Variants in AGMO observed in about 807,000 individuals in gnomAD.
The protein encoded by AGMO is alkylglycerol monooxygenase, also known as glyceryl-ether monooxygenase.
AGMO carries 75 observed loss-of-function variants against 60.2 expected under a neutral mutation model. The observed-to-expected ratio is 1.25, with a 90% CI of 1.03 to 1.51. The LOEUF is 1.51. Ranked by LOEUF, AGMO falls within the 40% of genes most tolerant of loss-of-function variation. AGMO has a pLI of 0.00. For missense variants in AGMO, 763 were observed against 525.5 expected (o/e 1.45, Z -4.42); for synonymous variants, 261 against 177.1 (o/e 1.47, Z -3.76).
intron 4 of AGMO, among the ~76,000 whole-genome samples, chr7:15,419,382 G>A (rs1780866515): frequency 6.6e-6 from 1 of 151,828 alleles, no homozygotes; most frequent in African/African-American, 2.4e-5. Flanking sequence ...GTTTCATGCT[G>A]GAAAGAAACA....
At chr7:15,142,001 AC>A in the AGMO span, among the ~76,000 whole-genome samples, 1 of 152,096 alleles carries the variant, frequency 6.6e-6, no homozygotes, top group Non-Finnish European at 1.5e-5. Context: ...TGTAGGCTTA[AC>A]CTTTTGCTAA....
chr7:15,119,408 T>C, the AGMO span, among the ~76,000 whole-genome samples: 2 of 152,100 alleles, frequency 1.3e-5, no homozygotes, highest in Non-Finnish European at 2.9e-5. Flanking sequence ...TTAATACTTA[T>C]AATTTCTACA....
At chr7:15,349,861 A>G (rs995259344) in intron 12 of AGMO, among the ~76,000 whole-genome samples, 4 of 152,104 alleles carry the variant, frequency 2.6e-5, no homozygotes, top group African/African-American at 7.2e-5. Context: ...AGATGGGAGT[A>G]ACCTCCCCCA....
At chr7:15,450,294 C>T (rs546432425) in intron 3 of AGMO, among the ~76,000 whole-genome samples, 1 of 151,770 alleles carries the variant, frequency 6.6e-6, no homozygotes, top group East Asian at 2.0e-4. Context: ...GTGGCGGGCG[C>T]ATGTAGTCCC....
chr7:15,321,428 G>A (rs551492940), intron 12 of AGMO, among the ~76,000 whole-genome samples: 56 of 152,226 alleles, frequency 3.7e-4, no homozygotes, highest in African/African-American at 1.1e-3. Context: ...TGTTGGTGGC[G>A]AAAGTTTGTA....
chr7:15,336,971 T>A (rs913461900), intron 12 of AGMO, among the ~76,000 whole-genome samples: 1 of 152,218 alleles, frequency 6.6e-6, no homozygotes, highest in Non-Finnish European at 1.5e-5. Context: ...TGTGTGAGAT[T>A]GTCAAACATT....
intron 12 of AGMO, among the ~76,000 whole-genome samples, chr7:15,243,611 A>G (rs2128503775): frequency 6.6e-6 from 1 of 152,310 alleles, no homozygotes; most frequent in Admixed American, 6.5e-5. Context: ...CAAAACACAT[A>G]CCAATTAAGA....
intron 12 of AGMO, among the ~76,000 whole-genome samples, chr7:15,205,015 A>C (rs1781404932): frequency 6.6e-6 from 1 of 152,094 alleles, no homozygotes; most frequent in Admixed American, 6.6e-5. Context: ...GAGAGGCCTT[A>C]TTCAAAATGG....
chr7:15,315,328 C>CTTTTTTT lies in AGMO; in HGVS notation c.1263+50179_1263+50185dup, dbSNP rs1178276622. Among the ~76,000 whole-genome samples the CTTTTTTT allele has an allele frequency of 3.6e-3, 172 of 48,200 alleles. 42 individuals carry two copies. Among genetic ancestry groups the CTTTTTTT allele is most frequent in the African/African-American group, 9.4e-3 (124 of 13,200 alleles). The allele number at this position is 48,200 out of a possible 152,430, so 31.6% of individuals were successfully genotyped here. On this transcript the variant is annotated intron_variant, in intron 12 of 12. Transcript: ENST00000342526. Reference sequence around the variant, plus strand: ...TAAGCAAAACTTACATGGATATTTGCTTTTTTTTTTTTTTTTTTTTTTTTT... The same window carrying CTTTTTTT: ...TAAGCAAAACTTACATGGATATTTGCTTTTTTTTTTTTTTTTTTTTTTTTTTTTTTTT...
At chr7:15,388,054 C>A (rs191557451) in intron 8 of AGMO, among the ~76,000 whole-genome samples, 2,858 of 152,056 alleles carry the variant, frequency 0.019, 33 homozygotes, top group Non-Finnish European at 0.027. Flanking sequence ...ATTACAGGTG[C>A]CTGCCACCAT....
chr7:15,198,247 G>GAGAC (rs1781182564), downstream of AGMO, among the ~76,000 whole-genome samples: 1 of 84,970 alleles, frequency 1.2e-5, no homozygotes, highest in Non-Finnish European at 2.1e-5. Flanking sequence ...GAGAGAGAGA[G>GAGAC]AGAGAGAGAC....
the AGMO span, among the ~76,000 whole-genome samples, chr7:15,117,412 G>A: frequency 6.6e-6 from 1 of 151,948 alleles, no homozygotes; most frequent in Non-Finnish European, 1.5e-5. Context: ...TCTACACCTT[G>A]ATTGTTGTGA....
At chr7:15,544,995 T>C in intron 2 of AGMO, 72 bp from the exon 3 acceptor site, 1 of 1,100,042 alleles carries the variant, frequency 9.1e-7, no homozygotes, top group African/African-American at 1.6e-5. Context: ...ATGTTTTAGA[T>C]AACATTTAAA....
chr7:15,503,148 C>G (rs1783430138), intron 3 of AGMO, among the ~76,000 whole-genome samples: 1 of 151,850 alleles, frequency 6.6e-6, no homozygotes, highest in Non-Finnish European at 1.5e-5. Flanking sequence ...TCCTCTATAA[C>G]CTACTCCACA....
intron 3 of AGMO, among the ~76,000 whole-genome samples, chr7:15,533,035 G>T (rs1023369807): frequency 6.6e-6 from 1 of 152,024 alleles, no homozygotes; most frequent in African/African-American, 2.4e-5. Context: ...TACAACTTTA[G>T]TGAAATTCAG....
At chr7:15,190,659 T>G in the AGMO span, among the ~76,000 whole-genome samples, 2 of 152,188 alleles carry the variant, frequency 1.3e-5, no homozygotes, top group African/African-American at 4.8e-5. Context: ...CTAATGAACA[T>G]ACTATGAAAT....
At chr7:15,519,748 C>G (rs1783928863) in intron 3 of AGMO, among the ~76,000 whole-genome samples, 1 of 152,082 alleles carries the variant, frequency 6.6e-6, no homozygotes, top group African/African-American at 2.4e-5. Context: ...ACTGCATCAA[C>G]TAATGGGCAA....
chr7:15,465,175 G>A (rs1361814662), intron 3 of AGMO, among the ~76,000 whole-genome samples: 1 of 151,936 alleles, frequency 6.6e-6, no homozygotes, highest in Non-Finnish European at 1.5e-5. Context: ...CTTTCGACAA[G>A]CTAAGGATTA....
chr7:15,210,078 C>T (rs60826366), intron 12 of AGMO, among the ~76,000 whole-genome samples: 19,197 of 151,874 alleles, frequency 0.13, 1,536 homozygotes, highest in East Asian at 0.33. Context: ...TGAAAAAAAC[C>T]TATCAACTGC....
Sources: gnomAD v4.1 joint callset for allele counts (sites outside exome capture counted in the v4.1 genomes callset) on GRCh38, gnomAD v4.1.1 for gene constraint, MANE v1.5 for transcripts, NCBI Gene and HGNC (gene_info 2026-07-23, HGNC 2026-07-21) for gene names.